MACF1: variants seen among roughly 807,000 people sequenced by gnomAD.
MACF1 encodes microtubule-actin cross-linking factor 1.
Under a neutral mutation model 854.8 loss-of-function variants are expected in MACF1, and 193 were observed. The ratio of observed to expected loss-of-function variants is 0.23; its 90% CI spans 0.20 to 0.25. The LOEUF is 0.25. Among genes scored for constraint, MACF1 ranks in the 10% least tolerant of loss-of-function variants. The probability of loss-of-function intolerance (pLI) is 1.00; values close to 1 mark genes in which losing one functional copy is unlikely to be tolerated. For missense variants in MACF1, 7,722 were observed against 8,929.1 expected, an observed-to-expected ratio of 0.86 and a Z score of 5.45; for synonymous variants, 3,185 against 3,226.7, an observed-to-expected ratio of 0.99 and a Z score of 0.44.
chr1:39,137,619 G>T (rs1206207354), intron 2 of MACF1, among the ~76,000 whole-genome samples: 2 of 152,138 alleles, frequency 1.3e-5, no homozygotes, highest in Non-Finnish European at 2.9e-5. Flanking sequence ...TTCTGCCCTG[G>T]CCTCCCAAAG....
intron 4 of MACF1, 59 bp downstream of exon 4, chr1:39,252,000 C>A: frequency 8.1e-7 from 1 of 1,231,852 alleles, no homozygotes; most frequent in Non-Finnish European, 1.1e-6. Flanking sequence ...GCAGGGCCAT[C>A]AGAGTCTGAG....
intron 2 of MACF1, among the ~76,000 whole-genome samples, chr1:39,104,995 G>A (rs1318335152): frequency 1.3e-5 from 2 of 152,308 alleles, no homozygotes; most frequent in Non-Finnish European, 2.9e-5. Flanking sequence ...CCTTTGTCCC[G>A]CTCCCGGCGG....
chr1:39,221,659 AAAAGGCTATTTAAAATAGCT>A (rs1557526209), intron 1 of MACF1, among the ~76,000 whole-genome samples: 2 of 152,216 alleles, frequency 1.3e-5, no homozygotes, highest in South Asian at 2.1e-4. Context: ...AAGGCTATTT[AAAAGGCTATTTAAAATAGCT>A]AAAGGCTATT....
At chr1:39,255,091 T>C (rs961685227) in intron 5 of MACF1, among the ~76,000 whole-genome samples, 14 of 151,816 alleles carry the variant, frequency 9.2e-5, no homozygotes, top group African/African-American at 3.4e-4. Context: ...CCTGGACAGG[T>C]AAATGACCTG....
chr1:39,477,075 A>ACACT (rs1331285017), intron 97 of MACF1, among the ~76,000 whole-genome samples: 5 of 51,300 alleles, frequency 9.7e-5, no homozygotes, highest in African/African-American at 3.3e-4. Context: ...ATATATATAT[A>ACACT]TATATATATA....
intron 70 of MACF1, 32 bp downstream of exon 70, chr1:39,435,793 A>G (rs779694008): frequency 1.9e-6 from 3 of 1,597,460 alleles, no homozygotes; most frequent in Non-Finnish European, 1.7e-6. Context: ...ATAACCTTGA[A>G]TTGTCTACTG....
chr1:39,316,370 A>T (rs756785593), intron 27 of MACF1, 21 bp from the exon 28 acceptor site: 1 of 1,587,000 alleles, frequency 6.3e-7, no homozygotes, highest in East Asian at 2.3e-5. Flanking sequence ...TTAATGAAGG[A>T]ATGTGTATTT....
At chr1:39,106,488 G>A (rs1486744129) in intron 2 of MACF1, among the ~76,000 whole-genome samples, 1 of 152,180 alleles carries the variant, frequency 6.6e-6, no homozygotes, top group African/African-American at 2.4e-5. Flanking sequence ...TGCTGTAGGT[G>A]CCCCTGAATG....
chr1:39,325,335 A>T (rs530373173), intron 35 of MACF1, among the ~76,000 whole-genome samples: 2 of 152,348 alleles, frequency 1.3e-5, no homozygotes, highest in East Asian at 3.9e-4. Flanking sequence ...TATCTGTTAC[A>T]TTTGGCAAGT....
rs1641884494 is a variant in MACF1 at position 39,388,467 on chromosome 1, T to C, written c.15625T>C (p.Cys5209Arg). 2 of 1,614,026 alleles carry C rather than the reference T, an allele frequency of 1.2e-6. No individual in the cohort carries two copies. The highest frequency in any genetic ancestry group is 1.7e-6 in the Non-Finnish European group (2 of 1,180,002). Reference sequence around the variant, plus strand: ...GGAGCTAGAAGCCCTGAACAAACAGTGTGGCAAACTGACAGAGAGGGGGAA... The same window carrying C: ...GGAGCTAGAAGCCCTGAACAAACAGCGTGGCAAACTGACAGAGAGGGGGAA... ...KRELEALNKQ[C>R]GKLTERGKAR... The change falls in exon 58 of 101, where the codon TGT (cysteine) becomes CGT (arginine). Residue 5209 changes from cysteine (C) to arginine (R), a missense_variant. Cys to Arg is a radical substitution (Grantham distance 180). Coordinates refer to ENST00000564288, the MANE Select transcript of MACF1 (RefSeq NM_001394062.1).
rs1164984245 is a variant in MACF1, at chr1:39,284,152, T to C, written c.1002T>C (p.Asp334=). 1.9e-6 allele frequency: 3 copies of C among 1,613,840 alleles called. No individual in the cohort carries two copies. The highest frequency in any genetic ancestry group is 2.7e-5 in the African/African-American group (2 of 75,038). ...WIKQHTILMS[D]KTFPQNPVEL... is the part of the protein sequence containing the mutation. ...AACAGCATACAATACTGATGTCAGA[T>C]AAAACTTTTCCCCAAAACCCTGTTG... is the stretch of plus-strand genomic sequence containing the variant. The change falls in exon 10 of 101, where the codon GAT becomes GAC. Residue 334 remains aspartate (D), a synonymous_variant. Coordinates refer to ENST00000564288, the MANE Select transcript of MACF1 (RefSeq NM_001394062.1).
At chr1:39,422,243 G>T in intron 58 of MACF1, 131 bp from the exon 59 acceptor site, 1 of 654,402 alleles carries the variant, frequency 1.5e-6, no homozygotes, top group Non-Finnish European at 2.6e-6. Flanking sequence ...ACGTGCAAAT[G>T]CTTGTTCTTT....
intron 6 of MACF1, chr1:39,269,657 C>T (rs1645277850): frequency 7.8e-7 from 1 of 1,289,842 alleles, no homozygotes; most frequent in East Asian, 5.6e-5. Context: ...CTACTTCCTT[C>T]TCAGAAGAGG....
chr1:39,331,509 A>T lies in MACF1; in HGVS notation c.4921A>T (p.Arg1641Ter). The change falls in exon 37 of 101, where the codon AGA becomes TGA. Residue 1641 changes from arginine (R) to a stop codon, truncating the protein, a stop_gained. Coordinates refer to ENST00000564288, the MANE Select transcript of MACF1 (RefSeq NM_001394062.1). LOFTEE classifies it high-confidence loss of function. ...TTCTGTGGTGGAAGCAATTGAAAAG[A>T]GAATAATCAGTGAGACAGTTGGACT... Reference protein sequence around the residue: ...PLSVVEAIEKRIISETVGLKI... With the variant: ...PLSVVEAIEK 3 of 1,614,216 alleles carry T rather than the reference A, an allele frequency of 1.9e-6. No individual in the cohort carries two copies. The highest frequency in any genetic ancestry group is 2.5e-6 in the Non-Finnish European group (3 of 1,180,038).
chr1:39,333,318 C>A lies in MACF1; in HGVS notation c.6730C>A (p.Gln2244Lys). The change falls in exon 37 of 101, where the codon CAA becomes AAA. Residue 2244 changes from glutamine (Q) to lysine (K), a missense_variant. By Grantham distance (53) the Gln-to-Lys change is moderately conservative (BLOSUM62 1). Coordinates refer to ENST00000564288, the MANE Select transcript of MACF1 (RefSeq NM_001394062.1). ...GGCTAAGGATGACCATAAAGAAAGT[C>A]AAGAAGCACAGAACATCGCAGGTGG... The part of the protein sequence containing the change: ...FLAKDDHKES[Q>K]EAQNIAGGSM... 1 of 1,614,066 alleles carries A rather than the reference C, an allele frequency of 6.2e-7. No individual in the cohort carries two copies. The highest frequency in any genetic ancestry group is 1.3e-5 in the African/African-American group (1 of 75,032).
intron 78 of MACF1, 122 bp downstream of exon 78, chr1:39,443,033 A>G: frequency 1.1e-6 from 1 of 933,194 alleles, no homozygotes. Flanking sequence ...GGGAAGGTTA[A>G]TACTGTGCTG....
chr1:39,201,832 C>T (rs928788942), upstream of MACF1, among the ~76,000 whole-genome samples: 10 of 152,072 alleles, frequency 6.6e-5, no homozygotes, highest in Non-Finnish European at 1.2e-4. Flanking sequence ...CTTTCAGGTC[C>T]AGCCATTCTA....
At chr1:39,123,723 T>TG (rs1188549850) in intron 2 of MACF1, among the ~76,000 whole-genome samples, 48 of 137,418 alleles carry the variant, frequency 3.5e-4, no homozygotes, top group African/African-American at 8.1e-4. Flanking sequence ...TTTTGTTTTT[T>TG]TTTTTTTTTT....
rs1645600251 is a variant in MACF1 at position 39,283,986 on chromosome 1, G to A, written c.916-80G>A. 1.4e-6 allele frequency: 2 copies of A among 1,472,232 alleles called. No individual in the cohort carries two copies. Among genetic ancestry groups the A allele is most frequent in the East Asian group, 4.5e-5 (2 of 44,184 alleles). The allele number at this position is 1,472,232 out of a possible 1,614,324, so 91.2% of individuals were successfully genotyped here. A position where few individuals can be genotyped will look rare whatever the true frequency, so the allele number is the denominator to read the frequency against. On this transcript the variant is annotated intron_variant, in intron 9 of 100. Transcript: ENST00000564288. This position sits in a 1 kb window ranked among gnomAD's most constrained non-coding sequence, Gnocchi z 4.5. ...AAAGGAAATGGATTTTATATAGTTTGGAGTGGCCTGAGCTACTTTCTCTTG... is the reference window on the plus strand; with the variant it reads ...AAAGGAAATGGATTTTATATAGTTTAGAGTGGCCTGAGCTACTTTCTCTTG...
Sources: gnomAD v4.1 joint callset for allele counts (sites outside exome capture counted in the v4.1 genomes callset) on GRCh38, gnomAD v4.1.1 for gene constraint, Gnocchi (gnomAD v3.1) non-coding constraint, MANE v1.5 for transcripts, NCBI Gene and HGNC (gene_info 2026-07-23, HGNC 2026-07-21) for gene names.